The following NHLH2 variants were observed in gnomAD, a reference collection of about 807,000 sequenced individuals.
NHLH2 encodes the protein nescient helix-loop-helix 2, also known as helix-loop-helix protein 2.
NHLH2 carries 7 observed loss-of-function variants against 7.3 expected under a neutral mutation model. The ratio of observed to expected loss-of-function variants is 0.96; its 90% CI spans 0.55 to 1.81. NHLH2 has a LOEUF of 1.81. NHLH2 is among the 40% of genes most tolerant of loss of function. NHLH2 has a pLI of 0.00. For synonymous variants in NHLH2, 93 were observed against 91.6 expected, an observed-to-expected ratio of 1.01 and a Z score of -0.09; for missense variants, 155 against 194.0, an observed-to-expected ratio of 0.80 and a Z score of 1.19.
rs1024690869 is a variant in NHLH2 at position 115,837,665 on chromosome 1, C to T, written c.*300G>A. The T allele has an allele frequency of 1.5e-5, 6 of 410,354 alleles. No individual in the cohort carries two copies. The East Asian group carries it at 2.8e-4, about 19-fold the overall frequency. The allele number at this position is 410,354 out of a possible 1,614,324, so 25.4% of individuals were successfully genotyped here. ...AGTCTCCAGTGGGTTAAAACCACAACCCTTGGGGAGCCCCAGAAGTGGCTC... is the reference window on the plus strand; with the variant it reads ...AGTCTCCAGTGGGTTAAAACCACAATCCTTGGGGAGCCCCAGAAGTGGCTC... On this transcript the variant is annotated 3_prime_UTR_variant, in exon 3 of 3. Coordinates refer to ENST00000320238, the MANE Select transcript of NHLH2 (RefSeq NM_005599.3).
chr1:115,834,717 T>A (rs1650825763), downstream of NHLH2, among the ~76,000 whole-genome samples: 1 of 152,180 alleles, frequency 6.6e-6, no homozygotes, highest in African/African-American at 2.4e-5. Flanking sequence ...TTCATAGCAT[T>A]TAGCAATATC....
At position 115,837,921 on chromosome 1, in the gene NHLH2, T is replaced by A; in HGVS notation, c.*44A>T. On this transcript the variant is annotated 3_prime_UTR_variant, in exon 3 of 3. Coordinates refer to ENST00000320238, the MANE Select transcript of NHLH2 (RefSeq NM_005599.3). Reference sequence around the variant, plus strand: ...CGGCGCCCGTCCGGATCCGTAGCGTTTCGCGGACGCCGGGACAGGCGGCCC... The same window carrying A: ...CGGCGCCCGTCCGGATCCGTAGCGTATCGCGGACGCCGGGACAGGCGGCCC... The A allele has an allele frequency of 6.4e-7, 1 of 1,569,302 alleles. No individual in the cohort carries two copies.
rs950330142 is a variant in NHLH2 at position 115,838,532 on chromosome 1, C to G, written c.-8-152G>C. ...GCCGGCGCGCGACGCGGGAGGGCGC[C>G]GATAGGATCTGGCCCGAGGGCGCGA... On this transcript the variant is annotated intron_variant, in intron 2 of 2. Transcript: ENST00000320238. 4 of 829,180 alleles carry G rather than the reference C, an allele frequency of 4.8e-6. No homozygotes were observed. In the South Asian group the frequency reaches 5.3e-5, roughly 11 times the overall value. 51.4% of individuals were successfully genotyped at this position (829,180 alleles called of 1,614,324 possible).
Position 115,837,970 on chromosome 1 carries a change from C to T in NHLH2, c.403G>A (p.Val135Met). ...YISYLNHVLD[V>M] Reference sequence around the variant, plus strand: ...CCCCCGCGGCGCACCCCGCCCTACACGTCCAGGACGTGGTTGAGATAGGAG... The same window carrying T: ...CCCCCGCGGCGCACCCCGCCCTACATGTCCAGGACGTGGTTGAGATAGGAG... The change falls in exon 3 of 3, where the codon GTG (valine) becomes ATG (methionine). Residue 135 changes from valine (V) to methionine (M), a missense_variant. Physicochemically the swap from Val to Met is conservative, Grantham distance 21. Coordinates refer to ENST00000320238, the MANE Select transcript of NHLH2 (RefSeq NM_005599.3). 1.3e-6 allele frequency: 2 copies of T among 1,599,378 alleles called. No homozygotes were observed. The highest frequency in any genetic ancestry group is 1.7e-6 in the Non-Finnish European group (2 of 1,174,434).
chr1:115,832,514 A>G (rs1650776655), downstream of NHLH2, among the ~76,000 whole-genome samples: 1 of 152,246 alleles, frequency 6.6e-6, no homozygotes, highest in South Asian at 2.1e-4. Flanking sequence ...TCTGATAAGC[A>G]CTATACATTA....
chr1:115,836,443 A>G lies in NHLH2; in HGVS notation c.*1522T>C, dbSNP rs1471598239. On this transcript the variant is annotated 3_prime_UTR_variant, in exon 3 of 3. Transcript: ENST00000320238. ...TCATGAGATATGAAAAACTCGTCAG[A>G]TAGAAACCAGATTATATCTATTTTC... 3 of 152,636 alleles carry G rather than the reference A, an allele frequency of 2.0e-5. No individual in the cohort carries two copies. Among genetic ancestry groups the G allele is most frequent in the East Asian group, 3.8e-4 (2 of 5,200 alleles). The allele number at this position is 152,636 out of a possible 1,614,324, so 9.5% of individuals were successfully genotyped here.
At chr1:115,832,663 T>C (rs1183280851), downstream of NHLH2, among the ~76,000 whole-genome samples, 1 of 152,192 alleles carries the variant, frequency 6.6e-6, no homozygotes, top group Non-Finnish European at 1.5e-5. Flanking sequence ...GGGCCCGAAC[T>C]TGGCTCCAGA....
Position 115,837,948 on chromosome 1 carries a change from C to T in NHLH2, c.*17G>A. 1.3e-6 allele frequency: 2 copies of T among 1,587,798 alleles called. No individual in the cohort carries two copies. Among genetic ancestry groups the T allele is most frequent in the Non-Finnish European group, 1.7e-6 (2 of 1,169,438 alleles). ...CGCGGACGCCGGGACAGGCGGCCCC[C>T]CGCGGCGCACCCCGCCCTACACGTC... is the stretch of plus-strand genomic sequence containing the variant. On this transcript the variant is annotated 3_prime_UTR_variant, in exon 3 of 3. Coordinates refer to ENST00000320238, the MANE Select transcript of NHLH2 (RefSeq NM_005599.3).
At chr1:115,840,066 A>T (rs1410510631) in intron 2 of NHLH2, 150 bp downstream of exon 2, 1 of 166,982 alleles carries the variant, frequency 6.0e-6, no homozygotes. Context: ...CTCAAAGCAC[A>T]TTAAATTCTC....
At position 115,838,009 on chromosome 1, in the gene NHLH2, C is replaced by T. The variant is rs866172895; in HGVS notation, c.364G>A (p.Ala122Thr). The stretch of plus-strand genomic sequence containing the variant: ...TTGAGATAGGAGATGTAGCAGATGG[C>T]CAGGCGCAGGATCTCGATCTTGGAG... ...KLSKIEILRL[A>T]ICYISYLNHV... is the part of the protein sequence containing the mutation. The change falls in exon 3 of 3, where the codon GCC becomes ACC. Residue 122 changes from alanine to threonine, a missense_variant. Around this residue, in one of 2 missense-constraint regions of NHLH2, gnomAD observed 64 missense variants for 107.4 expected, o/e 0.60. Transcript: ENST00000320238. 1.2e-6 allele frequency: 2 copies of T among 1,610,380 alleles called. No individual in the cohort carries two copies. The highest frequency in any genetic ancestry group is 1.1e-5 in the South Asian group (1 of 90,910).
At chr1:115,838,502 A>C in intron 2 of NHLH2, 122 bp from the exon 3 acceptor site, 17 of 1,120,492 alleles carry the variant, frequency 1.5e-5, no homozygotes, top group East Asian at 2.8e-5. Flanking sequence ...CCCTCCCCAC[A>C]GCAGGCCGGC....
In NHLH2 at chr1:115,837,413, TATA is replaced by T. The variant is rs1444550342; in HGVS notation, c.*549_*551del. ...TATTCAGGGTTTATTTGGATTCTAA[TATA>T]ATCTTTATTTTCACAACAGAAAGGA... On this transcript the variant is annotated 3_prime_UTR_variant, in exon 3 of 3. Transcript: ENST00000320238. 6.5e-6 allele frequency: 1 copy of T among 153,056 alleles called. No individual in the cohort carries two copies. The highest frequency in any genetic ancestry group is 1.9e-4 in the East Asian group (1 of 5,188). The allele number at this position is 153,056 out of a possible 1,614,324, so 9.5% of individuals were successfully genotyped here.
In NHLH2 at chr1:115,837,930, G is replaced by C. The variant is rs753048154; in HGVS notation, c.*35C>G. On this transcript the variant is annotated 3_prime_UTR_variant, in exon 3 of 3. Coordinates refer to ENST00000320238, the MANE Select transcript of NHLH2 (RefSeq NM_005599.3). ...TCCGGATCCGTAGCGTTTCGCGGAC[G>C]CCGGGACAGGCGGCCCCCCGCGGCG... The C allele has an allele frequency of 1.3e-5, 20 of 1,577,454 alleles. No homozygotes were observed. The highest frequency in any genetic ancestry group is 1.6e-5 in the Non-Finnish European group (19 of 1,164,180).
At chr1:115,831,471 A>C (rs1182075488), downstream of NHLH2, among the ~76,000 whole-genome samples, 1 of 152,036 alleles carries the variant, frequency 6.6e-6, no homozygotes, top group African/African-American at 2.4e-5. Flanking sequence ...AAAGATAAGG[A>C]CTCTTTTTTC....
At chr1:115,833,284 C>G (rs1343075482), downstream of NHLH2, among the ~76,000 whole-genome samples, 1 of 152,164 alleles carries the variant, frequency 6.6e-6, no homozygotes, top group Non-Finnish European at 1.5e-5. Context: ...GAAAAATGCT[C>G]CCCTTCCTCC....
In NHLH2 at chr1:115,838,343, A is replaced by G. The variant is rs774886539; in HGVS notation, c.30T>C (p.Asp10=). The G allele has an allele frequency of 2.5e-6, 4 of 1,609,346 alleles. No individual in the cohort carries two copies. In the Admixed American group the frequency reaches 6.7e-5, roughly 27 times the overall value. Residue 10 remains aspartate, a synonymous_variant, in exon 3 of 3, where the codon GAT becomes GAC. Transcript: ENST00000320238. The part of the protein sequence containing the change: MMLSPDQAA[D]SDHPSSAHSD... ...AGTGCGCCGAGCTGGGATGGTCCGA[A>G]TCTGCTGCTTGGTCCGGACTCAGCA... is the stretch of plus-strand genomic sequence containing the variant.
chr1:115,838,383 G>A lies in NHLH2; in HGVS notation c.-8-3C>T, dbSNP rs766643758. On this transcript the variant is annotated splice_polypyrimidine_tract_variant and splice_region_variant and intron_variant, in intron 2 of 2. Coordinates refer to ENST00000320238, the MANE Select transcript of NHLH2 (RefSeq NM_005599.3). Reference sequence around the variant, plus strand: ...CGGACTCAGCATCATTTTGGAGGCTGAGGAGGGGTCGGAAAATTAATCAGT... The same window carrying A: ...CGGACTCAGCATCATTTTGGAGGCTAAGGAGGGGTCGGAAAATTAATCAGT... 7.5e-6 allele frequency: 12 copies of A among 1,608,246 alleles called. No individual in the cohort carries two copies. The South Asian group carries it at 1.2e-4, about 16-fold the overall frequency.
At chr1:115,832,351 A>G (rs1423028814), downstream of NHLH2, among the ~76,000 whole-genome samples, 2 of 152,226 alleles carry the variant, frequency 1.3e-5, no homozygotes, top group Admixed American at 6.5e-5. Context: ...TATCATATGC[A>G]GATGGATATA....
intron 2 of NHLH2, chr1:115,839,674 G>A (rs1457973330): frequency 1.2e-5 from 2 of 166,850 alleles, no homozygotes; most frequent in South Asian, 4.1e-4. Flanking sequence ...TGAGAACTCG[G>A]GGCCCCGGCG....
Sources: allele counts gnomAD v4.1 joint callset (sites outside exome capture counted in the v4.1 genomes callset), GRCh38; gene constraint gnomAD v4.1.1; regional missense constraint gnomAD v4.1.1; transcripts MANE v1.5; gene names NCBI Gene and HGNC (gene_info 2026-07-23, HGNC 2026-07-21).